The following RERE variants were observed in gnomAD, a reference collection of about 807,000 sequenced individuals.
The protein encoded by RERE is arginine-glutamic acid dipeptide repeats protein.
A neutral mutation model predicts 146.1 loss-of-function variants in RERE; 40 were observed. The ratio of observed to expected loss-of-function variants is 0.27; its 90% CI spans 0.21 to 0.36. RERE has a LOEUF of 0.36. RERE is among the 10% of genes least tolerant of loss of function. RERE has a pLI of 1.00. For missense variants in RERE, 1,933 were observed against 2,138.7 expected, an observed-to-expected ratio of 0.90 and a Z score of 1.90; for synonymous variants, 1,003 against 866.0, an observed-to-expected ratio of 1.16 and a Z score of -2.78.
At chr1:8,788,918 C>T (rs1641308989) in intron 1 of RERE, among the ~76,000 whole-genome samples, 2 of 150,782 alleles carry the variant, frequency 1.3e-5, no homozygotes, top group African/African-American at 4.9e-5. Context: ...GCAGAGCACC[C>T]TGGGCACAGC....
intron 7 of RERE, among the ~76,000 whole-genome samples, chr1:8,533,027 C>A (rs1645677790): frequency 1.3e-5 from 2 of 152,208 alleles, no homozygotes; most frequent in South Asian, 4.1e-4. Context: ...CCACCAAACC[C>A]AGCCTGATTT....
At chr1:8,480,594 C>G (rs945192008) in intron 10 of RERE, among the ~76,000 whole-genome samples, 2 of 151,846 alleles carry the variant, frequency 1.3e-5, no homozygotes, top group South Asian at 4.2e-4. Flanking sequence ...CACCACCATA[C>G]TTGGCTAATT....
At chr1:8,368,833 G>A (rs1641919346) in intron 12 of RERE, among the ~76,000 whole-genome samples, 1 of 152,042 alleles carries the variant, frequency 6.6e-6, no homozygotes, top group African/African-American at 2.4e-5. Flanking sequence ...GGCTGAGGCA[G>A]GAGGATCACT....
intron 4 of RERE, among the ~76,000 whole-genome samples, chr1:8,561,673 G>A (rs1038677496): frequency 2.6e-5 from 4 of 152,150 alleles, no homozygotes; most frequent in East Asian, 1.9e-4. Flanking sequence ...ACTGGCTAAC[G>A]GTGCCATCCT....
chr1:8,509,050 G>T (rs1645294862), intron 7 of RERE, among the ~76,000 whole-genome samples: 1 of 152,148 alleles, frequency 6.6e-6, no homozygotes. Flanking sequence ...GAGTAGCTAG[G>T]ATTTCAGGTG....
chr1:8,495,501 A>G (rs1306716420), intron 9 of RERE, among the ~76,000 whole-genome samples: 1 of 152,122 alleles, frequency 6.6e-6, no homozygotes, highest in African/African-American at 2.4e-5. Context: ...TAGTAGAGAC[A>G]AGGTTTCACA....
chr1:8,601,017 C>CTTTT (rs34455445), intron 4 of RERE, among the ~76,000 whole-genome samples: 23,769 of 94,710 alleles, frequency 0.25, 4,394 homozygotes, highest in East Asian at 0.71. Context: ...GTCTCCCAAA[C>CTTTT]TTTTTTTTTT....
chr1:8,789,210 C>A (rs999425410), intron 1 of RERE, among the ~76,000 whole-genome samples: 2 of 143,404 alleles, frequency 1.4e-5, no homozygotes, highest in Non-Finnish European at 3.0e-5. Flanking sequence ...TTGGGGAAGC[C>A]GATGGGGGAG....
rs1182779393 is a variant in RERE at position 8,564,824 on chromosome 1, A to ATGTGTGTGTG, written c.523-7302_523-7301insCACACACACA. 4.2e-3 allele frequency among the ~76,000 whole-genome samples: 206 copies of ATGTGTGTGTG among 48,776 alleles called. 1 individual carries two copies. Among genetic ancestry groups the ATGTGTGTGTG allele is most frequent in the East Asian group, 9.1e-3 (8 of 882 alleles). 32.0% of individuals were successfully genotyped at this position (48,776 alleles called of 152,430 possible). A position where few individuals can be genotyped will look rare whatever the true frequency, so the allele number is the denominator to read the frequency against. On this transcript the variant is annotated intron_variant, in intron 4 of 22. Coordinates refer to ENST00000400908, the MANE Select transcript of RERE (RefSeq NM_001042681.2). ...GGTGTGTGTGTATGTATGTGTGTGT[A>ATGTGTGTGTG]TATGTGTATGTGTGTGTGTGTGTGT...
chr1:8,612,733 T>C (rs1245548892), intron 4 of RERE, among the ~76,000 whole-genome samples: 1 of 152,228 alleles, frequency 6.6e-6, no homozygotes, highest in African/African-American at 2.4e-5. Context: ...ACCTACTTTT[T>C]AGATATATGT....
intron 1 of RERE, among the ~76,000 whole-genome samples, chr1:8,661,732 T>C (rs1373273609): frequency 2.0e-5 from 3 of 152,192 alleles, no homozygotes; most frequent in Admixed American, 6.5e-5. Context: ...TTGAGTTTCA[T>C]GGGGAGACCA....
intron 1 of RERE, among the ~76,000 whole-genome samples, chr1:8,708,917 T>TG (rs1192141415): frequency 4.4e-5 from 6 of 135,654 alleles, no homozygotes; most frequent in Admixed American, 7.2e-5. Context: ...TTTTTTTTTT[T>TG]TTTTTTTTTT....
At chr1:8,791,730 A>G (rs1249270038) in intron 1 of RERE, among the ~76,000 whole-genome samples, 1 of 152,224 alleles carries the variant, frequency 6.6e-6, no homozygotes, top group Non-Finnish European at 1.5e-5. Flanking sequence ...TTCTTTTCAA[A>G]CTAAACACAT....
At chr1:8,791,533 G>A (rs1641363519) in intron 1 of RERE, among the ~76,000 whole-genome samples, 1 of 152,174 alleles carries the variant, frequency 6.6e-6, no homozygotes, top group Non-Finnish European at 1.5e-5. Context: ...CTTATTAACA[G>A]CCAAATGCCC....
chr1:8,705,267 C>A (rs1319881053), intron 1 of RERE, among the ~76,000 whole-genome samples: 1 of 152,180 alleles, frequency 6.6e-6, no homozygotes, highest in Non-Finnish European at 1.5e-5. Context: ...CACTCAAATT[C>A]TTTTGTGCTC....
chr1:8,676,978 C>A (rs1452875126), intron 1 of RERE, among the ~76,000 whole-genome samples: 1 of 152,162 alleles, frequency 6.6e-6, no homozygotes, highest in East Asian at 1.9e-4. Flanking sequence ...TCCTCCAGTC[C>A]TCCCTAAACA....
intron 1 of RERE, among the ~76,000 whole-genome samples, chr1:8,791,904 T>G (rs1382623799): frequency 3.3e-5 from 5 of 152,124 alleles, no homozygotes; most frequent in East Asian, 1.9e-4. Context: ...CTCCCAGAAT[T>G]TATCATCAAC....
At chr1:8,802,274 A>T (rs1641603628) in intron 1 of RERE, among the ~76,000 whole-genome samples, 1 of 152,180 alleles carries the variant, frequency 6.6e-6, no homozygotes, top group Admixed American at 6.5e-5. Flanking sequence ...AAATGCTCTT[A>T]CTATGTGGTC....
chr1:8,371,936 C>T (rs55815330), intron 12 of RERE, among the ~76,000 whole-genome samples: 2,287 of 152,326 alleles, frequency 0.015, 59 homozygotes, highest in African/African-American at 0.052. Flanking sequence ...GCAGGGTCTC[C>T]TCCCAGGCTT....
Sources: allele counts gnomAD v4.1 joint callset (sites outside exome capture counted in the v4.1 genomes callset), GRCh38; gene constraint gnomAD v4.1.1; transcripts MANE v1.5; gene names NCBI Gene and HGNC (gene_info 2026-07-23, HGNC 2026-07-21).